USP12: variants seen among roughly 807,000 people sequenced by gnomAD.
USP12 encodes the protein ubiquitin specific peptidase 12.
Under a neutral mutation model 45.5 loss-of-function variants are expected in USP12, and 19 were observed. The ratio of observed to expected loss-of-function variants is 0.42; its 90% CI spans 0.29 to 0.61. The LOEUF is 0.61. Among genes scored for constraint, USP12 ranks in the 20% least tolerant of loss-of-function variants. The pLI, the probability that USP12 is intolerant of heterozygous loss-of-function variation, is 0.22. For synonymous variants in USP12, 149 were observed against 148.8 expected, an observed-to-expected ratio of 1.00 and a Z score of -0.01; for missense variants, 242 against 447.7, an observed-to-expected ratio of 0.54 and a Z score of 4.15.
intron 6 of USP12, among the ~76,000 whole-genome samples, chr13:27,083,095 A>G (rs1873839404): frequency 6.6e-6 from 1 of 152,176 alleles, no homozygotes; most frequent in East Asian, 1.9e-4. Context: ...TTGGCCTCCC[A>G]AAGTGCTGGG....
intron 1 of USP12, among the ~76,000 whole-genome samples, chr13:27,119,983 C>T (rs60862615): frequency 0.01 from 1,594 of 152,298 alleles, 34 homozygotes; most frequent in African/African-American, 0.036. Context: ...TCTAGCCTAA[C>T]GCTAACTAAA....
At chr13:27,093,806 C>G (rs1176233588) in intron 4 of USP12, among the ~76,000 whole-genome samples, 1 of 152,194 alleles carries the variant, frequency 6.6e-6, no homozygotes, top group Non-Finnish European at 1.5e-5. Flanking sequence ...ACTTTAAAAA[C>G]TGCAGCACAT....
chr13:27,117,721 G>C (rs1565995009), intron 1 of USP12: 1 of 518,254 alleles, frequency 1.9e-6, no homozygotes, highest in Non-Finnish European at 3.9e-6. Context: ...ATGGAATTGG[G>C]AATGGGGCAA....
In USP12 at chr13:27,127,341, T is replaced by C. The variant is rs77964990; in HGVS notation, c.49-10745A>G. Among the ~76,000 whole-genome samples the C allele has an allele frequency of 6.6e-4, 101 of 152,244 alleles. 1 individual carries two copies. Among genetic ancestry groups the C allele is most frequent in the African/African-American group, 2.2e-3 (91 of 41,550 alleles). On this transcript the variant is annotated intron_variant, in intron 1 of 8. Coordinates refer to ENST00000282344, the MANE Select transcript of USP12 (RefSeq NM_182488.4). ...AAGCAAAGTGACCCTCAGTAAGATATATGGTACCAATGACATAAAAGGGAA... is the reference window on the plus strand; with the variant it reads ...AAGCAAAGTGACCCTCAGTAAGATACATGGTACCAATGACATAAAAGGGAA...
intron 1 of USP12, among the ~76,000 whole-genome samples, chr13:27,134,958 G>A (rs1876731311): frequency 6.6e-6 from 1 of 152,174 alleles, no homozygotes. Flanking sequence ...CACAGATGCT[G>A]AAGATATCTA....
intron 4 of USP12, among the ~76,000 whole-genome samples, chr13:27,093,102 A>G (rs1874393504): frequency 6.6e-6 from 1 of 152,014 alleles, no homozygotes; most frequent in Admixed American, 6.6e-5. Flanking sequence ...AGGCTGACAC[A>G]AGAGAACCAC....
rs996437304 is a variant in USP12 at position 27,129,427 on chromosome 13, C to G, written c.49-12831G>C. Among the ~76,000 whole-genome samples the G allele has an allele frequency of 6.6e-6, 1 of 152,208 alleles. No individual in the cohort carries two copies. The highest frequency in any genetic ancestry group is 1.9e-4 in the East Asian group (1 of 5,200). On this transcript the variant is annotated intron_variant, in intron 1 of 8. Transcript: ENST00000282344. The surrounding 1 kb of genome is among the most constrained non-coding windows in gnomAD (Gnocchi z 4.0). ...CAGCTCATAAAATGACAGTGTCACTCTAAAGCTATGCGTAGGCCAGGTGCA... is the reference window on the plus strand; with the variant it reads ...CAGCTCATAAAATGACAGTGTCACTGTAAAGCTATGCGTAGGCCAGGTGCA...
intron 6 of USP12, among the ~76,000 whole-genome samples, chr13:27,086,272 T>G (rs903346312): frequency 2.8e-5 from 1 of 35,240 alleles, no homozygotes; most frequent in Non-Finnish European, 6.5e-5. Context: ...TACATACACA[T>G]ATATATAATT....
chr13:27,145,840 A>G (rs780571214), intron 1 of USP12, among the ~76,000 whole-genome samples: 2 of 151,652 alleles, frequency 1.3e-5, no homozygotes, highest in Non-Finnish European at 2.9e-5. Context: ...AATGGAAGAA[A>G]AGCAAAAAAA....
intron 7 of USP12, among the ~76,000 whole-genome samples, chr13:27,074,264 G>A (rs1873375339): frequency 6.6e-6 from 1 of 152,160 alleles, no homozygotes; most frequent in African/African-American, 2.4e-5. Flanking sequence ...GCCGGGCGTG[G>A]TGGTGGGTGC....
At chr13:27,069,923 G>A (rs1398170165) in intron 8 of USP12, among the ~76,000 whole-genome samples, 1 of 152,170 alleles carries the variant, frequency 6.6e-6, no homozygotes, top group Non-Finnish European at 1.5e-5. Flanking sequence ...CTCCAGCCTA[G>A]GTAACAAGAC....
At chr13:27,164,968 G>A (rs1463586137) in intron 1 of USP12, among the ~76,000 whole-genome samples, 1 of 151,186 alleles carries the variant, frequency 6.6e-6, no homozygotes, top group African/African-American at 2.4e-5. Flanking sequence ...TATGGCCTCA[G>A]TAAACAGAAA....
intron 1 of USP12, among the ~76,000 whole-genome samples, chr13:27,123,564 G>A (rs1876095448): frequency 6.6e-6 from 1 of 152,184 alleles, no homozygotes; most frequent in South Asian, 2.1e-4. Flanking sequence ...ACGTGTCGTG[G>A]CAGAGACCCA....
intron 1 of USP12, among the ~76,000 whole-genome samples, chr13:27,122,125 C>G (rs1017919691): frequency 6.6e-6 from 1 of 151,560 alleles, no homozygotes. Flanking sequence ...AGTTCAAGAC[C>G]AACCTGGGCA....
intron 1 of USP12, among the ~76,000 whole-genome samples, chr13:27,170,923 CTTAT>C (rs1021498083): frequency 2.0e-5 from 3 of 152,372 alleles, no homozygotes; most frequent in East Asian, 3.9e-4. Context: ...TTCAACAGTA[CTTAT>C]TTAAAGTTTC....
intron 2 of USP12, among the ~76,000 whole-genome samples, chr13:27,115,997 A>G (rs1189993595): frequency 6.6e-6 from 1 of 152,192 alleles, no homozygotes; most frequent in Non-Finnish European, 1.5e-5. Flanking sequence ...GTTAGAAACT[A>G]TCTATCTCCA....
intron 1 of USP12, among the ~76,000 whole-genome samples, chr13:27,164,089 GAA>G (rs34498931): frequency 4.4e-4 from 63 of 144,784 alleles, no homozygotes; most frequent in South Asian, 1.1e-3. Context: ...CTACAAAAAG[GAA>G]AAAAAAAAAA....
intron 3 of USP12, among the ~76,000 whole-genome samples, chr13:27,097,922 C>G (rs945371672): frequency 2.7e-5 from 4 of 150,838 alleles, no homozygotes; most frequent in Non-Finnish European, 5.9e-5. Context: ...TGACTCAAAT[C>G]TAAACATGAA....
At chr13:27,141,400 G>GCC (rs1486846915) in intron 1 of USP12, among the ~76,000 whole-genome samples, 6 of 152,152 alleles carry the variant, frequency 3.9e-5, no homozygotes, top group Non-Finnish European at 8.8e-5. Context: ...GTAGTAATGA[G>GCC]CACACATAGA....
Sources: gnomAD v4.1 joint callset for allele counts (sites outside exome capture counted in the v4.1 genomes callset) on GRCh38, gnomAD v4.1.1 for gene constraint, Gnocchi (gnomAD v3.1) non-coding constraint, MANE v1.5 for transcripts, NCBI Gene and HGNC (gene_info 2026-07-23, HGNC 2026-07-21) for gene names.